DNAH11: variants seen among roughly 807,000 people sequenced by gnomAD.
DNAH11 encodes dynein axonemal heavy chain 11.
Under a neutral mutation model 526.0 loss-of-function variants are expected in DNAH11, and 442 were observed. The observed-to-expected ratio is 0.84, with a 90% CI of 0.78 to 0.91. The LOEUF (loss-of-function observed/expected upper bound fraction) is 0.91. Ranked by LOEUF, DNAH11 falls within the 40% of genes least tolerant of loss-of-function variation. The probability of loss-of-function intolerance (pLI) is 0.00; values close to 1 mark genes in which losing one functional copy is unlikely to be tolerated. For missense variants in DNAH11, 6,989 were observed against 5,448.7 expected (o/e 1.28, Z -8.90); for synonymous variants, 2,461 against 1,935.9 (o/e 1.27, Z -7.12).
intron 14 of DNAH11, among the ~76,000 whole-genome samples, chr7:21,598,749 C>A (rs960001076): frequency 3.9e-5 from 6 of 152,132 alleles, no homozygotes; most frequent in Non-Finnish European, 7.4e-5. Flanking sequence ...AATCCTTACC[C>A]TCCTTTAGAT....
At chr7:21,816,207 C>T (rs899597467) in intron 63 of DNAH11, among the ~76,000 whole-genome samples, 14 of 152,282 alleles carry the variant, frequency 9.2e-5, no homozygotes, top group Admixed American at 2.6e-4. Context: ...GGCAAAGTCT[C>T]TCTCAGTTGA....
At chr7:21,625,046 C>T (rs895322592) in intron 25 of DNAH11, among the ~76,000 whole-genome samples, 1 of 151,466 alleles carries the variant, frequency 6.6e-6, no homozygotes, top group Non-Finnish European at 1.5e-5. Context: ...TAATCATGGC[C>T]TCATAAAGTG....
At chr7:21,544,917 T>G in intron 1 of DNAH11, 89 bp from the exon 2 acceptor site, 2 of 1,157,436 alleles carry the variant, frequency 1.7e-6, no homozygotes, top group Non-Finnish European at 2.4e-6. Context: ...TTGTTTCTTC[T>G]GCTAGCAATA....
At chr7:21,875,889 T>TC in intron 74 of DNAH11, among the ~76,000 whole-genome samples, 1 of 142,118 alleles carries the variant, frequency 7.0e-6, no homozygotes, top group East Asian at 2.0e-4. Flanking sequence ...TTTTTTTTTT[T>TC]TTTTTTTTTT....
intron 8 of DNAH11, among the ~76,000 whole-genome samples, chr7:21,577,543 G>A (rs966420331): frequency 1.3e-5 from 2 of 152,120 alleles, no homozygotes; most frequent in Non-Finnish European, 2.9e-5. Flanking sequence ...CTATCACCCT[G>A]AGGCCAAGTG....
intron 54 of DNAH11, among the ~76,000 whole-genome samples, chr7:21,760,121 T>C (rs534542415): frequency 7.0e-6 from 1 of 143,488 alleles, no homozygotes; most frequent in Non-Finnish European, 1.5e-5. Context: ...AACTTTCTGG[T>C]GGGGGTGGGA....
At chr7:21,682,512 C>G (rs775544760) in intron 31 of DNAH11, among the ~76,000 whole-genome samples, 1 of 121,046 alleles carries the variant, frequency 8.3e-6, no homozygotes, top group Admixed American at 1.0e-4. Context: ...GGTGACAGAG[C>G]GAGACTCCAT....
chr7:21,594,063 TACACAC>T (rs59727118), intron 14 of DNAH11, among the ~76,000 whole-genome samples: 90 of 137,620 alleles, frequency 6.5e-4, no homozygotes, highest in South Asian at 1.8e-3. Flanking sequence ...CATACACACA[TACACAC>T]ACACACACAC....
At chr7:21,682,807 A>C (rs1270018821) in intron 31 of DNAH11, among the ~76,000 whole-genome samples, 1 of 152,118 alleles carries the variant, frequency 6.6e-6, no homozygotes, top group Non-Finnish European at 1.5e-5. Flanking sequence ...TATTTTCATA[A>C]AGTGCAAGAA....
At chr7:21,593,044 C>G (rs747019669) in intron 14 of DNAH11, among the ~76,000 whole-genome samples, 7 of 151,978 alleles carry the variant, frequency 4.6e-5, no homozygotes, top group Non-Finnish European at 1.0e-4. Context: ...GTATTTAGAG[C>G]CATATAATTA....
intron 20 of DNAH11, among the ~76,000 whole-genome samples, chr7:21,610,355 T>A: frequency 6.6e-6 from 1 of 152,166 alleles, no homozygotes. Flanking sequence ...CCCCTCTGAT[T>A]AAGGAATTTC....
chr7:21,770,173 A>G (rs534978979), intron 55 of DNAH11, among the ~76,000 whole-genome samples: 1 of 152,226 alleles, frequency 6.6e-6, no homozygotes, highest in South Asian at 2.1e-4. Flanking sequence ...CCCTTACCCA[A>G]AATACTTGGT....
rs1344285852 is a variant in DNAH11 at position 21,590,927 on chromosome 7, G to A, written c.2179G>A (p.Val727Ile). ...CVNFDPKLVA[V>I]LREVKYLLML... ...AATTGTATTTTAATAGCTAGTGGCTGTATTGAGAGAAGTGAAATATCTTTT... is the reference window on the plus strand; with the variant it reads ...AATTGTATTTTAATAGCTAGTGGCTATATTGAGAGAAGTGAAATATCTTTT... The change falls in exon 13 of 82, where the codon GTA (valine) becomes ATA (isoleucine). Residue 727 changes from valine (V) to isoleucine (I), a missense_variant. Coordinates refer to ENST00000409508, the MANE Select transcript of DNAH11 (RefSeq NM_001277115.2). The A allele has an allele frequency of 2.0e-6, 3 of 1,470,666 alleles. No homozygotes were observed. The Middle Eastern group carries it at 5.3e-4, about 260-fold the overall frequency. The allele number at this position is 1,470,666 out of a possible 1,614,324, so 91.1% of individuals were successfully genotyped here.
chr7:21,656,671 G>A (rs1438136257), intron 29 of DNAH11, among the ~76,000 whole-genome samples: 1 of 152,194 alleles, frequency 6.6e-6, no homozygotes, highest in African/African-American at 2.4e-5. Flanking sequence ...AATCCACAGA[G>A]TAACTGATGG....
chr7:21,763,807 CATATACATAT>C (rs921389554), intron 54 of DNAH11, among the ~76,000 whole-genome samples: 4 of 148,526 alleles, frequency 2.7e-5, no homozygotes, highest in Non-Finnish European at 4.4e-5. Context: ...TATACATATA[CATATACATAT>C]ATATACATAT....
intron 30 of DNAH11, among the ~76,000 whole-genome samples, chr7:21,675,663 G>A (rs1047521109): frequency 6.6e-5 from 10 of 152,104 alleles, no homozygotes; most frequent in East Asian, 1.9e-4. Flanking sequence ...GCTGTCGTTC[G>A]TTTGTTCATT....
intron 8 of DNAH11, among the ~76,000 whole-genome samples, chr7:21,572,549 A>G (rs1008477061): frequency 6.6e-6 from 1 of 152,216 alleles, no homozygotes; most frequent in African/African-American, 2.4e-5. Flanking sequence ...CTGCAGTTCT[A>G]GGATAAAAAT....
chr7:21,846,070 A>G lies in DNAH11; in HGVS notation c.10896+3322A>G, dbSNP rs182272583. On this transcript the variant is annotated intron_variant, in intron 66 of 81. Coordinates refer to ENST00000409508, the MANE Select transcript of DNAH11 (RefSeq NM_001277115.2). ...TGTATAGAAGAGCAATGGCTTTTGT[A>G]TATTAATCTGTATCCTGCAAATGTG... 2.5e-3 allele frequency among the ~76,000 whole-genome samples: 383 copies of G among 152,344 alleles called. 1 individual carries two copies. The highest frequency in any genetic ancestry group is 8.2e-3 in the African/African-American group (342 of 41,590).
chr7:21,608,721 C>T (rs938578285), intron 20 of DNAH11, among the ~76,000 whole-genome samples: 3 of 152,098 alleles, frequency 2.0e-5, no homozygotes, highest in South Asian at 2.1e-4. Context: ...GATGGGGAAA[C>T]GTTTTTACTT....
Sources: allele counts gnomAD v4.1 joint callset (sites outside exome capture counted in the v4.1 genomes callset), GRCh38; gene constraint gnomAD v4.1.1; transcripts MANE v1.5; gene names NCBI Gene and HGNC (gene_info 2026-07-23, HGNC 2026-07-21).